ATG13: variants seen among roughly 807,000 people sequenced by gnomAD.
ATG13 encodes the protein autophagy-related protein 13.
In ATG13, 23 loss-of-function variants were observed where a neutral mutation model predicts 65.5. That is an observed-to-expected ratio of 0.35 (90% CI 0.25 to 0.50). The LOEUF is 0.50. Ranked by LOEUF, ATG13 falls within the 20% of genes least tolerant of loss-of-function variation. ATG13 has a pLI of 0.98. For missense variants in ATG13, 566 were observed against 677.0 expected, an observed-to-expected ratio of 0.84 and a Z score of 1.82; for synonymous variants, 252 against 245.2, an observed-to-expected ratio of 1.03 and a Z score of -0.26.
intron 11 of ATG13, among the ~76,000 whole-genome samples, chr11:46,660,433 G>A (rs1432292903): frequency 2.1e-5 from 3 of 141,158 alleles, no homozygotes; most frequent in East Asian, 4.2e-4. Flanking sequence ...TTTTTGAGAC[G>A]GAGTCTTGCT....
At chr11:46,663,357 AAG>A (rs2061582515) in intron 11 of ATG13, among the ~76,000 whole-genome samples, 2 of 151,916 alleles carry the variant, frequency 1.3e-5, no homozygotes. Flanking sequence ...TTGAAATCAT[AAG>A]AGTTTTCAAC....
intron 1 of ATG13, among the ~76,000 whole-genome samples, chr11:46,622,123 A>ATTTT (rs1241024952): frequency 6.4e-5 from 5 of 77,900 alleles, no homozygotes; most frequent in African/African-American, 3.1e-4. Flanking sequence ...ATATATATAT[A>ATTTT]TATATTTATT....
At chr11:46,644,575 CA>C (rs201446068) in intron 3 of ATG13, among the ~76,000 whole-genome samples, 26 of 142,966 alleles carry the variant, frequency 1.8e-4, no homozygotes, top group Non-Finnish European at 2.3e-4. Context: ...GCTACTTGTT[CA>C]AAAAAAAAAT....
Position 46,668,555 on chromosome 11 carries a change from G to A in ATG13, c.1308G>A (p.Glu436=). 1 of 1,614,208 alleles carries A rather than the reference G, an allele frequency of 6.2e-7. No individual in the cohort carries two copies. Among genetic ancestry groups the A allele is most frequent in the Non-Finnish European group, 8.5e-7 (1 of 1,180,030 alleles). The part of the protein sequence containing the change: ...PFAMFAPKNL[E]LEDTDPMVNP... ...CCATGTTTGCTCCCAAGAATTTGGA[G>A]CTGGAGGATACCGATCCAATGGTGA... is the stretch of plus-strand genomic sequence containing the variant. Residue 436 remains glutamate (E), a synonymous_variant, in exon 16 of 19, where the codon GAG becomes GAA. Transcript: ENST00000683050.
chr11:46,626,270 G>A (rs182580820), intron 1 of ATG13, among the ~76,000 whole-genome samples: 9 of 151,324 alleles, frequency 5.9e-5, no homozygotes, highest in African/African-American at 2.2e-4. Context: ...TGTTTTTTGA[G>A]ACGGGAGTTT....
chr11:46,652,361 C>T (rs536831100), intron 7 of ATG13, among the ~76,000 whole-genome samples: 31 of 152,232 alleles, frequency 2.0e-4, no homozygotes, highest in Non-Finnish European at 4.4e-4. Flanking sequence ...CAGAGGTAGA[C>T]TTGGCTTTTC....
chr11:46,622,125 A>ATATATATATTTT (rs2047898207), intron 1 of ATG13, among the ~76,000 whole-genome samples: 1 of 79,030 alleles, frequency 1.3e-5, no homozygotes, highest in African/African-American at 5.4e-5. Flanking sequence ...ATATATATAT[A>ATATATATATTTT]TATTTATTTT....
intron 2 of ATG13, among the ~76,000 whole-genome samples, chr11:46,642,304 G>GTTTTTT (rs200225497): frequency 2.1e-4 from 23 of 107,908 alleles, no homozygotes; most frequent in Admixed American, 3.7e-4. Context: ...ATTTTTGTGG[G>GTTTTTT]TTTTTTTTTT....
chr11:46,667,782 T>C lies in ATG13; in HGVS notation c.1146T>C (p.Thr382=). The change falls in exon 15 of 19, where the codon ACT becomes ACC. Residue 382 remains threonine (T), a synonymous_variant. Transcript: ENST00000683050. ...CAATPSSSED[T]ETVSNSSEGR... ...CACCTTTCTCCTCCAGTGAGGATACTGAAACCGTATCAAACAGCAGTGAGG... is the reference window on the plus strand; with the variant it reads ...CACCTTTCTCCTCCAGTGAGGATACCGAAACCGTATCAAACAGCAGTGAGG... 6.2e-7 allele frequency: 1 copy of C among 1,603,296 alleles called. No homozygotes were observed. The highest frequency in any genetic ancestry group is 8.5e-7 in the Non-Finnish European group (1 of 1,170,982).
rs1398033654 is a variant in ATG13, at chr11:46,657,105, A to G, written c.510A>G (p.Thr170=). The G allele has an allele frequency of 1.9e-6, 3 of 1,613,810 alleles. No individual in the cohort carries two copies. The highest frequency in any genetic ancestry group is 1.7e-5 in the Admixed American group (1 of 60,014). The part of the protein sequence containing the change: ...QLSGLGEGFQ[T]VRVGTVGTPV... ...TATCTCTTCTCCTAGGCTTCCAGACAGTTCGTGTTGGGACAGTGGGCACCC... is the reference window on the plus strand; with the variant it reads ...TATCTCTTCTCCTAGGCTTCCAGACGGTTCGTGTTGGGACAGTGGGCACCC... The change falls in exon 9 of 19, where the codon ACA becomes ACG. Residue 170 remains threonine, a synonymous_variant. Coordinates refer to ENST00000683050, the MANE Select transcript of ATG13 (RefSeq NM_001346311.2).
At chr11:46,670,355 C>T (rs1402209464) in intron 18 of ATG13, among the ~76,000 whole-genome samples, 1 of 151,672 alleles carries the variant, frequency 6.6e-6, no homozygotes, top group Non-Finnish European at 1.5e-5. Flanking sequence ...GTGGCGGGCA[C>T]CTGTAATCCC....
chr11:46,668,104 C>T (rs2062787492), intron 15 of ATG13, among the ~76,000 whole-genome samples: 2 of 152,218 alleles, frequency 1.3e-5, no homozygotes, highest in African/African-American at 2.4e-5. Flanking sequence ...CTTTTAAAGC[C>T]TCCTACAAGA....
chr11:46,617,602 G>C lies in ATG13; in HGVS notation c.-358G>C, dbSNP rs1461600053. 3 of 353,438 alleles carry C rather than the reference G, an allele frequency of 8.5e-6. No homozygotes were observed. The highest frequency in any genetic ancestry group is 6.7e-5 in the African/African-American group (3 of 44,816). 21.9% of individuals were successfully genotyped at this position (353,438 alleles called of 1,614,324 possible). On this transcript the variant is annotated 5_prime_UTR_variant, in exon 1 of 19. Transcript: ENST00000683050. ...CAAACACTAACGATGGCGGCGCCGG[G>C]AAGCGACCGGCTGCTGGGCTTAAGG...
At chr11:46,653,071 T>C (rs1451943429) in intron 7 of ATG13, among the ~76,000 whole-genome samples, 1 of 152,166 alleles carries the variant, frequency 6.6e-6, no homozygotes, top group African/African-American at 2.4e-5. Context: ...CATTTGGTCC[T>C]TTACAGAAAG....
intron 2 of ATG13, among the ~76,000 whole-genome samples, chr11:46,641,828 A>G (rs1380101987): frequency 1.3e-5 from 2 of 148,370 alleles, no homozygotes; most frequent in Non-Finnish European, 3.0e-5. Context: ...TGGAGCACCC[A>G]TGGCTCACTG....
At chr11:46,646,094 A>G in intron 5 of ATG13, 105 bp downstream of exon 5, 1 of 1,412,294 alleles carries the variant, frequency 7.1e-7, no homozygotes, top group Non-Finnish European at 9.6e-7. Context: ...CCTCTCTGAT[A>G]TTCTTATCAT....
chr11:46,638,641 A>C (rs1474965467), intron 2 of ATG13: 2 of 152,086 alleles, frequency 1.3e-5, no homozygotes, highest in Non-Finnish European at 2.9e-5. Flanking sequence ...TACTACTTTA[A>C]TAACAACATC....
Position 46,664,808 on chromosome 11 carries a change from C to T in ATG13, c.889-41C>T, listed in dbSNP as rs1425625957. 10 of 1,566,950 alleles carry T rather than the reference C, an allele frequency of 6.4e-6. No individual in the cohort carries two copies. In the Admixed American group the frequency reaches 6.9e-5, roughly 11 times the overall value. ...ACGCTCTGGGATTGCCTATTTTTTC[C>T]TTGCCTTTCCTTTTCTCCTCTTTGT... is the stretch of plus-strand genomic sequence containing the variant. On this transcript the variant is annotated intron_variant, in intron 12 of 18. Coordinates refer to ENST00000683050, the MANE Select transcript of ATG13 (RefSeq NM_001346311.2).
intron 7 of ATG13, among the ~76,000 whole-genome samples, chr11:46,654,309 A>ATATATATATATATATATATG (rs1565550648): frequency 7.0e-6 from 1 of 143,824 alleles, no homozygotes; most frequent in African/African-American, 2.6e-5. Context: ...ATATATATAT[A>ATATATATATATATATATATG]TGTAAAAGAG....
Sources: allele counts gnomAD v4.1 joint callset (sites outside exome capture counted in the v4.1 genomes callset), GRCh38; gene constraint gnomAD v4.1.1; transcripts MANE v1.5; gene names NCBI Gene and HGNC (gene_info 2026-07-23, HGNC 2026-07-21).